The following SH3D19 variants were observed in gnomAD, a reference collection of about 807,000 sequenced individuals.
The protein encoded by SH3D19 is SH3 domain containing 19, also known as SH3 domain-containing protein 19.
SH3D19 carries 58 observed loss-of-function variants against 112.1 expected under a neutral mutation model. That is an observed-to-expected ratio of 0.52 (90% confidence interval 0.42 to 0.64). The LOEUF (loss-of-function observed/expected upper bound fraction) is 0.64, where lower values mean the gene tolerates loss of function less well. Among genes scored for constraint, SH3D19 ranks in the 30% least tolerant of loss-of-function variants. SH3D19 has a pLI of 0.00. For synonymous variants in SH3D19, 391 were observed against 448.5 expected, an observed-to-expected ratio of 0.87 and a Z score of 1.62; for missense variants, 1,090 against 1,263.4, an observed-to-expected ratio of 0.86 and a Z score of 2.08.
At chr4:151,262,730 C>T (rs1170052077) in intron 1 of SH3D19, 3 of 148,350 alleles carry the variant, frequency 2.0e-5, no homozygotes, top group South Asian at 2.1e-4. Context: ...GATGAGATCC[C>T]GTGATGTGTC....
intron 2 of SH3D19, among the ~76,000 whole-genome samples, chr4:151,221,336 A>G (rs1580241514): frequency 4.3e-5 from 2 of 46,964 alleles, no homozygotes; most frequent in South Asian, 9.5e-4. Flanking sequence ...TTTTGTTTAT[A>G]TTTTCTTCTT....
intron 14 of SH3D19, among the ~76,000 whole-genome samples, chr4:151,137,007 A>G (rs1751992084): frequency 1.3e-5 from 2 of 152,200 alleles, no homozygotes; most frequent in African/African-American, 4.8e-5. Flanking sequence ...TCACAGTATC[A>G]GTAAGTTATA....
intron 1 of SH3D19, among the ~76,000 whole-genome samples, chr4:151,229,646 T>C (rs959964791): frequency 2.6e-5 from 4 of 152,098 alleles, no homozygotes; most frequent in African/African-American, 9.7e-5. Flanking sequence ...GGTGCAGTGG[T>C]TCACACCTGT....
chr4:151,301,476 C>G (rs1194731869), intron 1 of SH3D19, among the ~76,000 whole-genome samples: 1 of 152,226 alleles, frequency 6.6e-6, no homozygotes, highest in Non-Finnish European at 1.5e-5. Context: ...ATCCGCCCGC[C>G]TCAGCCTCCC....
chr4:151,195,384 A>AG (rs1561320864), intron 2 of SH3D19, among the ~76,000 whole-genome samples: 1 of 145,918 alleles, frequency 6.9e-6, no homozygotes, highest in African/African-American at 2.7e-5. Context: ...AAAAAAAAAA[A>AG]AAAAAAAAAA....
At chr4:151,250,690 G>A (rs1771300739) in intron 1 of SH3D19, among the ~76,000 whole-genome samples, 1 of 152,170 alleles carries the variant, frequency 6.6e-6, no homozygotes, top group Non-Finnish European at 1.5e-5. Context: ...GGCACCAGAA[G>A]AAGAGGAGTC....
chr4:151,207,064 T>C (rs985493823), intron 2 of SH3D19, among the ~76,000 whole-genome samples: 1 of 152,318 alleles, frequency 6.6e-6, no homozygotes, highest in African/African-American at 2.4e-5. Flanking sequence ...CCTTATAGGA[T>C]AGAGTTCTAT....
At chr4:151,217,516 T>A (rs1374245447) in intron 2 of SH3D19, among the ~76,000 whole-genome samples, 1 of 152,132 alleles carries the variant, frequency 6.6e-6, no homozygotes, top group Non-Finnish European at 1.5e-5. Flanking sequence ...CAGGCCACAT[T>A]ATGGGGAGGG....
chr4:151,139,709 C>T lies in SH3D19; in HGVS notation c.2296+66G>A, dbSNP rs1752634408. ...GAAGGATGTCCTTGAGAGGCTAACCCCCGGCAGGGAAAAAGACTTACTCCT... is the reference window on the plus strand; with the variant it reads ...GAAGGATGTCCTTGAGAGGCTAACCTCCGGCAGGGAAAAAGACTTACTCCT... On this transcript the variant is annotated intron_variant, in intron 13 of 19. Coordinates refer to ENST00000604030, the MANE Select transcript of SH3D19 (RefSeq NM_001378122.1). The T allele has an allele frequency of 4.1e-5, 59 of 1,441,396 alleles. No homozygotes were observed. In the South Asian group the frequency reaches 6.7e-4, roughly 16 times the overall value. 89.3% of individuals were successfully genotyped at this position (1,441,396 alleles called of 1,614,324 possible).
intron 2 of SH3D19, among the ~76,000 whole-genome samples, chr4:151,206,421 CA>C (rs1008380784): frequency 6.6e-6 from 1 of 152,138 alleles, no homozygotes; most frequent in African/African-American, 2.4e-5. Context: ...GTTCATAAGA[CA>C]AGCAATACAC....
intron 2 of SH3D19, among the ~76,000 whole-genome samples, chr4:151,215,048 G>A (rs1170519176): frequency 6.8e-6 from 1 of 147,710 alleles, no homozygotes; most frequent in East Asian, 2.0e-4. Flanking sequence ...GCGGGGCAAA[G>A]GCGCTCCCCA....
chr4:151,194,273 C>T (rs1181978445), intron 2 of SH3D19, among the ~76,000 whole-genome samples: 2 of 151,136 alleles, frequency 1.3e-5, no homozygotes, highest in African/African-American at 4.9e-5. Context: ...GTGATCCACC[C>T]ACCACGGCCT....
intron 8 of SH3D19, among the ~76,000 whole-genome samples, chr4:151,160,667 T>G (rs1676541470): frequency 1.5e-5 from 2 of 129,772 alleles, no homozygotes; most frequent in South Asian, 5.2e-4. Context: ...AGATGAGCAC[T>G]CTGTCTCTTT....
chr4:151,149,360 T>G, intron 10 of SH3D19, 140 bp downstream of exon 10: 1 of 615,410 alleles, frequency 1.6e-6, no homozygotes, highest in Non-Finnish European at 2.9e-6. Context: ...AGACAGTGGA[T>G]TAGGGGCCTG....
intron 11 of SH3D19, chr4:151,144,346 C>A: frequency 6.6e-7 from 1 of 1,513,554 alleles, no homozygotes; most frequent in Non-Finnish European, 9.2e-7. Flanking sequence ...TCTTAAGTTG[C>A]TGATCATTTA....
chr4:151,254,632 T>C (rs1024786769), intron 1 of SH3D19, among the ~76,000 whole-genome samples: 4 of 149,346 alleles, frequency 2.7e-5, no homozygotes, highest in South Asian at 2.2e-4. Context: ...GAGCACAGGG[T>C]TGGGGGTAAG....
intron 6 of SH3D19, 67 bp downstream of exon 6, chr4:151,176,467 C>G: frequency 8.4e-7 from 1 of 1,192,852 alleles, no homozygotes; most frequent in Non-Finnish European, 1.0e-6. Context: ...ATTTTAAAGG[C>G]TGGAAGCCTA....
At chr4:151,266,645 G>A (rs1040166699) in intron 1 of SH3D19, among the ~76,000 whole-genome samples, 1 of 152,184 alleles carries the variant, frequency 6.6e-6, no homozygotes, top group Admixed American at 6.5e-5. Flanking sequence ...TCTTCTAGGT[G>A]CTCTGACAAG....
At chr4:151,215,207 C>T (rs1423128266) in intron 2 of SH3D19, among the ~76,000 whole-genome samples, 2 of 152,212 alleles carry the variant, frequency 1.3e-5, no homozygotes, top group Non-Finnish European at 2.9e-5. Flanking sequence ...CAGGCATGAG[C>T]CACCACAGCC....
Sources: gnomAD v4.1 joint callset for allele counts (sites outside exome capture counted in the v4.1 genomes callset) on GRCh38, gnomAD v4.1.1 for gene constraint, MANE v1.5 for transcripts, NCBI Gene and HGNC (gene_info 2026-07-23, HGNC 2026-07-21) for gene names.